ZFYVE9: variants seen among roughly 807,000 people sequenced by gnomAD.
The protein encoded by ZFYVE9 is zinc finger FYVE domain-containing protein 9.
Under a neutral mutation model 126.7 loss-of-function variants are expected in ZFYVE9, and 43 were observed. The observed-to-expected ratio is 0.34, with a 90% CI of 0.27 to 0.44. ZFYVE9 has a LOEUF of 0.44. Among genes scored for constraint, ZFYVE9 ranks in the 20% least tolerant of loss-of-function variants. The pLI, the probability that ZFYVE9 is intolerant of heterozygous loss-of-function variation, is 1.00. For synonymous variants in ZFYVE9, 521 were observed against 597.4 expected, an observed-to-expected ratio of 0.87 and a Z score of 1.87; for missense variants, 1,476 against 1,697.0, an observed-to-expected ratio of 0.87 and a Z score of 2.29.
intron 5 of ZFYVE9, 39 bp downstream of exon 5, chr1:52,263,911 C>A: frequency 7.2e-7 from 1 of 1,383,092 alleles, no homozygotes; most frequent in Non-Finnish European, 1.0e-6. Flanking sequence ...GTTATTGAGA[C>A]AAAACAAGGG....
chr1:52,142,440 C>T lies in ZFYVE9; in HGVS notation c.-143+37C>T. 1 of 152,000 alleles carries T rather than the reference C, an allele frequency of 6.6e-6. No individual in the cohort carries two copies. The highest frequency in any genetic ancestry group is 1.9e-4 in the East Asian group (1 of 5,148). 9.4% of individuals were successfully genotyped at this position (152,000 alleles called of 1,614,324 possible). A position where few individuals can be genotyped will look rare whatever the true frequency, so the allele number is the denominator to read the frequency against. On this transcript the variant is annotated intron_variant, in intron 1 of 18. Transcript: ENST00000287727. This position sits in a 1 kb window ranked among gnomAD's most constrained non-coding sequence, Gnocchi z 4.5. ...GCGGCGTGGTCCGGGGCTCGCCGGCCTCCCGCCGCCTGTGGGGGCCCTGGC... is the reference window on the plus strand; with the variant it reads ...GCGGCGTGGTCCGGGGCTCGCCGGCTTCCCGCCGCCTGTGGGGGCCCTGGC...
chr1:52,321,172 A>G (rs940129138), intron 13 of ZFYVE9, among the ~76,000 whole-genome samples: 1 of 152,224 alleles, frequency 6.6e-6, no homozygotes, highest in African/African-American at 2.4e-5. Flanking sequence ...CTTCTAAAAT[A>G]GGAGTTTTGG....
Position 52,246,774 on chromosome 1 carries a change from C to T in ZFYVE9, c.2178+7179C>T, listed in dbSNP as rs1376340758. Among the ~76,000 whole-genome samples the T allele has an allele frequency of 2.8e-5, 4 of 142,258 alleles. No individual in the cohort carries two copies. In the Admixed American group the frequency reaches 3.0e-4, roughly 11 times the overall value. 93.3% of individuals were successfully genotyped at this position (142,258 alleles called of 152,430 possible). A position where few individuals can be genotyped will look rare whatever the true frequency, so the allele number is the denominator to read the frequency against. ...CCAGGCTGGAGTGCAGTAGCAAGAT[C>T]TTGGCTCACTGCAACCTCTACCTCC... On this transcript the variant is annotated intron_variant, in intron 4 of 18. Transcript: ENST00000287727.
chr1:52,173,990 T>G (rs1262891940), intron 1 of ZFYVE9, among the ~76,000 whole-genome samples: 2 of 146,150 alleles, frequency 1.4e-5, no homozygotes, highest in Non-Finnish European at 3.1e-5. Context: ...AGTTTTTTTT[T>G]GTCTCTATTT....
intron 1 of ZFYVE9, chr1:52,189,838 CT>C (rs1277303405): frequency 6.6e-6 from 1 of 152,132 alleles, no homozygotes; most frequent in African/African-American, 2.4e-5. Flanking sequence ...GTAGGTCCAA[CT>C]TTATTCTTGC....
At chr1:52,146,982 A>G (rs1189126648) in intron 1 of ZFYVE9, among the ~76,000 whole-genome samples, 4 of 152,206 alleles carry the variant, frequency 2.6e-5, no homozygotes, top group Non-Finnish European at 4.4e-5. Flanking sequence ...TCACAAGTGG[A>G]AAAATTCCAC....
chr1:52,150,141 T>G (rs1644340894), intron 1 of ZFYVE9: 1 of 152,236 alleles, frequency 6.6e-6, no homozygotes, highest in Non-Finnish European at 1.5e-5. Context: ...TCTCAGTTAC[T>G]TGGGAGGCTG....
At chr1:52,319,807 G>A (rs1646221214) in intron 13 of ZFYVE9, among the ~76,000 whole-genome samples, 1 of 151,520 alleles carries the variant, frequency 6.6e-6, no homozygotes, top group Non-Finnish European at 1.5e-5. Context: ...GAGGTCAGGA[G>A]ATCGAGACCA....
At chr1:52,283,561 G>A (rs1569666715) in intron 10 of ZFYVE9, among the ~76,000 whole-genome samples, 1 of 152,172 alleles carries the variant, frequency 6.6e-6, no homozygotes, top group African/African-American at 2.4e-5. Flanking sequence ...ACAACAACAT[G>A]CATGAATCTC....
At chr1:52,340,017 A>AGG (rs1646420690) in intron 16 of ZFYVE9, 109 bp from the exon 17 acceptor site, 1 of 805,030 alleles carries the variant, frequency 1.2e-6, no homozygotes, top group Non-Finnish European at 2.1e-6. Context: ...TGTGTTCAGC[A>AGG]GGGTACCCAG....
intron 13 of ZFYVE9, among the ~76,000 whole-genome samples, chr1:52,304,793 AT>A (rs551207041): frequency 2.1e-3 from 294 of 142,966 alleles, no homozygotes; most frequent in Middle Eastern, 7.4e-3. Context: ...TTTCCACGTG[AT>A]TTTTTTTTTT....
chr1:52,277,829 A>G (rs909276834), intron 8 of ZFYVE9, among the ~76,000 whole-genome samples: 1 of 152,204 alleles, frequency 6.6e-6, no homozygotes, highest in Non-Finnish European at 1.5e-5. Flanking sequence ...CCAGAGATTA[A>G]ATGAGAAGAG....
At chr1:52,261,478 G>A (rs1329661925) in intron 4 of ZFYVE9, among the ~76,000 whole-genome samples, 1 of 152,122 alleles carries the variant, frequency 6.6e-6, no homozygotes, top group Non-Finnish European at 1.5e-5. Flanking sequence ...CAAGGACCAT[G>A]TCCGTTTTGT....
rs1246057193 is a variant in ZFYVE9, at chr1:52,239,482, C to G, written c.2065C>G (p.Leu689Val). Reference protein sequence around the residue: ...GISARKPFTTLGEVAPVWVPD... With the variant: ...GISARKPFTTVGEVAPVWVPD... Reference sequence around the variant, plus strand: ...TTCTGCCAGAAAGCCATTCACCACTCTGGGTGAGGTGGCTCCAGTATGGGT... The same window carrying G: ...TTCTGCCAGAAAGCCATTCACCACTGTGGGTGAGGTGGCTCCAGTATGGGT... The change falls in exon 4 of 19, where the codon CTG (leucine) becomes GTG (valine). Residue 689 changes from leucine to valine, a missense_variant. Leu to Val is a conservative substitution (Grantham distance 32). Transcript: ENST00000287727. 2.5e-6 allele frequency: 4 copies of G among 1,614,178 alleles called. No homozygotes were observed. The highest frequency in any genetic ancestry group is 2.2e-5 in the South Asian group (2 of 91,078).
chr1:52,242,350 T>C (rs1557476761), intron 4 of ZFYVE9, among the ~76,000 whole-genome samples: 1 of 152,160 alleles, frequency 6.6e-6, no homozygotes, highest in Non-Finnish European at 1.5e-5. Flanking sequence ...GACTTTCTAA[T>C]TATGATTTCA....
chr1:52,146,108 A>G (rs1015026518), intron 1 of ZFYVE9, among the ~76,000 whole-genome samples: 2 of 152,026 alleles, frequency 1.3e-5, no homozygotes, highest in Admixed American at 6.6e-5. Flanking sequence ...CCAATACAGT[A>G]TAACAGTTGA....
At position 52,346,342 on chromosome 1, in the gene ZFYVE9, A is replaced by ATTG; in HGVS notation, c.*121_*122insTTG. 4.8e-6 allele frequency: 1 copy of ATTG among 207,876 alleles called. No homozygotes were observed. The highest frequency in any genetic ancestry group is 9.7e-6 in the Non-Finnish European group (1 of 103,622). The allele number at this position is 207,876 out of a possible 1,614,324, so 12.9% of individuals were successfully genotyped here. A position where few individuals can be genotyped will look rare whatever the true frequency, so the allele number is the denominator to read the frequency against. On this transcript the variant is annotated 3_prime_UTR_variant, in exon 19 of 19. Coordinates refer to ENST00000287727, the MANE Select transcript of ZFYVE9 (RefSeq NM_004799.4). Reference sequence around the variant, plus strand: ...TAACACTATTAATGGGGTGGGGAATAGGGTGGGAGTGGGGGTTTGGGAGAC... The same window carrying ATTG: ...TAACACTATTAATGGGGTGGGGAATATTGGGGTGGGAGTGGGGGTTTGGGAGAC...
At chr1:52,205,067 ATTT>A (rs891218048) in intron 1 of ZFYVE9, among the ~76,000 whole-genome samples, 2 of 117,778 alleles carry the variant, frequency 1.7e-5, no homozygotes, top group African/African-American at 3.5e-5. Flanking sequence ...TGTGCTGTGA[ATTT>A]TTTTTTTTTT....
intron 13 of ZFYVE9, among the ~76,000 whole-genome samples, chr1:52,318,915 G>A (rs1569747032): frequency 6.6e-6 from 1 of 152,110 alleles, no homozygotes; most frequent in African/African-American, 2.4e-5. Flanking sequence ...TGGGCAACAC[G>A]GTGAGAACCT....
Sources: gnomAD v4.1 joint callset for allele counts (sites outside exome capture counted in the v4.1 genomes callset) on GRCh38, gnomAD v4.1.1 for gene constraint, Gnocchi (gnomAD v3.1) non-coding constraint, MANE v1.5 for transcripts, NCBI Gene and HGNC (gene_info 2026-07-23, HGNC 2026-07-21) for gene names.